Variants in FUT9 observed in about 807,000 individuals in gnomAD.
FUT9 encodes fucosyltransferase 9, also known as 4-galactosyl-N-acetylglucosaminide 3-alpha-L-fucosyltransferase 9.
A neutral mutation model predicts 29.7 loss-of-function variants in FUT9; 15 were observed. The observed-to-expected ratio is 0.51, with a 90% CI of 0.34 to 0.78. The LOEUF (loss-of-function observed/expected upper bound fraction) is 0.78, where lower values mean the gene tolerates loss of function less well. Ranked by LOEUF, FUT9 falls within the 30% of genes least tolerant of loss-of-function variation. The pLI is 0.01. For missense variants in FUT9, 319 were observed against 425.4 expected (o/e 0.75, Z 2.20); for synonymous variants, 169 against 153.7 (o/e 1.10, Z -0.74).
At chr6:96,176,103 C>T (rs1773198132) in intron 2 of FUT9, among the ~76,000 whole-genome samples, 1 of 152,188 alleles carries the variant, frequency 6.6e-6, no homozygotes, top group South Asian at 2.1e-4. Flanking sequence ...AGGGCTTGCG[C>T]CCCTTCCCTC....
At chr6:96,017,707 G>A (rs1264502008) in intron 1 of FUT9, among the ~76,000 whole-genome samples, 1 of 152,112 alleles carries the variant, frequency 6.6e-6, no homozygotes, top group Admixed American at 6.5e-5. Flanking sequence ...ACTTTAAAAG[G>A]TGCCCCACTG....
chr6:96,130,695 T>G (rs1772226325), intron 2 of FUT9, among the ~76,000 whole-genome samples: 1 of 152,218 alleles, frequency 6.6e-6, no homozygotes. Context: ...ACAGTAAAAT[T>G]TGTTTTCTTT....
At chr6:96,123,143 C>T (rs1406342093) in intron 2 of FUT9, among the ~76,000 whole-genome samples, 2 of 143,798 alleles carry the variant, frequency 1.4e-5, no homozygotes, top group African/African-American at 5.3e-5. Context: ...CAAAAAAATG[C>T]ATAACAAAGA....
At chr6:96,170,851 A>G (rs1773101085) in intron 2 of FUT9, among the ~76,000 whole-genome samples, 1 of 152,196 alleles carries the variant, frequency 6.6e-6, no homozygotes, top group Non-Finnish European at 1.5e-5. Context: ...GTGATAAAAC[A>G]AACTGTCCCA....
At chr6:96,069,426 G>A (rs1166373733) in intron 1 of FUT9, among the ~76,000 whole-genome samples, 4 of 151,966 alleles carry the variant, frequency 2.6e-5, no homozygotes, top group Non-Finnish European at 4.4e-5. Flanking sequence ...ATTGCCAAAT[G>A]AGAAGATTGG....
chr6:96,105,740 A>G (rs1462170709), intron 1 of FUT9, among the ~76,000 whole-genome samples: 3 of 152,160 alleles, frequency 2.0e-5, no homozygotes, highest in African/African-American at 4.8e-5. Context: ...GTTGTTTTGA[A>G]CACTCTGGAG....
At chr6:96,076,563 A>C (rs72927926) in intron 1 of FUT9, among the ~76,000 whole-genome samples, 1 of 152,328 alleles carries the variant, frequency 6.6e-6, no homozygotes, top group Non-Finnish European at 1.5e-5. Context: ...GATTTCTTTC[A>C]TTTGAAAATG....
chr6:96,112,426 T>C (rs1771826890), intron 1 of FUT9, among the ~76,000 whole-genome samples: 1 of 152,232 alleles, frequency 6.6e-6, no homozygotes, highest in Admixed American at 6.5e-5. Context: ...ATCCATTTCT[T>C]CATACTTGTA....
Position 96,214,363 on chromosome 6 carries a change from C to T in FUT9, c.*10128C>T, listed in dbSNP as rs904278313. ...GTCACCTGAGGTCAGGTCTGCACAA[C>T]ACTAAATTGGGCAATAACATAGAAC... On this transcript the variant is annotated 3_prime_UTR_variant, in exon 3 of 3. Coordinates refer to ENST00000302103, the MANE Select transcript of FUT9 (RefSeq NM_006581.4). 3.6e-5 allele frequency: 6 copies of T among 167,072 alleles called. No homozygotes were observed. The highest frequency in any genetic ancestry group is 1.4e-4 in the African/African-American group (6 of 41,546). The allele number at this position is 167,072 out of a possible 1,614,324, so 10.3% of individuals were successfully genotyped here.
intron 1 of FUT9, among the ~76,000 whole-genome samples, chr6:96,034,886 G>T (rs1473725103): frequency 6.6e-6 from 1 of 151,684 alleles, no homozygotes; most frequent in Non-Finnish European, 1.5e-5. Flanking sequence ...GATCAGTTTT[G>T]GAACAATGGC....
chr6:96,069,511 A>C (rs1771018525), intron 1 of FUT9, among the ~76,000 whole-genome samples: 1 of 152,182 alleles, frequency 6.6e-6, no homozygotes, highest in Admixed American at 6.5e-5. Context: ...GAATACCTTT[A>C]GGAAATTTAA....
chr6:96,036,060 A>G (rs1327776958), intron 1 of FUT9, among the ~76,000 whole-genome samples: 1 of 138,570 alleles, frequency 7.2e-6, no homozygotes, highest in African/African-American at 2.6e-5. Context: ...TTATATTAAT[A>G]TAATATAATA....
At chr6:96,136,185 G>T (rs1772347045) in intron 2 of FUT9, among the ~76,000 whole-genome samples, 1 of 151,598 alleles carries the variant, frequency 6.6e-6, no homozygotes, top group Admixed American at 6.6e-5. Context: ...TCCATATATT[G>T]CATTAGATCA....
At chr6:96,068,837 C>G (rs189849086) in intron 1 of FUT9, among the ~76,000 whole-genome samples, 1 of 151,990 alleles carries the variant, frequency 6.6e-6, no homozygotes, top group Admixed American at 6.6e-5. Flanking sequence ...AGGAAAGAAG[C>G]TACCCATATA....
At chr6:96,112,652 T>C (rs1460788235) in intron 1 of FUT9, among the ~76,000 whole-genome samples, 1 of 152,122 alleles carries the variant, frequency 6.6e-6, no homozygotes, top group South Asian at 2.1e-4. Flanking sequence ...ATAACGTTGT[T>C]TGTGTGTGTG....
chr6:96,060,882 A>T (rs1225429582), intron 1 of FUT9, among the ~76,000 whole-genome samples: 1 of 152,184 alleles, frequency 6.6e-6, no homozygotes, highest in Non-Finnish European at 1.5e-5. Context: ...GGACATTTAC[A>T]GCATTTAAAG....
chr6:96,036,203 T>A (rs574727674), intron 1 of FUT9, among the ~76,000 whole-genome samples: 22 of 150,338 alleles, frequency 1.5e-4, no homozygotes, highest in African/African-American at 4.9e-4. Context: ...GAATCGAGAT[T>A]CTATATAAAT....
At chr6:96,034,791 A>G (rs977603062) in intron 1 of FUT9, among the ~76,000 whole-genome samples, 1 of 151,732 alleles carries the variant, frequency 6.6e-6, no homozygotes, top group Non-Finnish European at 1.5e-5. Flanking sequence ...GGTGCAAAGA[A>G]TGCTACCAAA....
chr6:96,055,215 A>G lies in FUT9; in HGVS notation c.-98+39003A>G, dbSNP rs1416280563. ...TTCTTATTTAATAATGAAAACATTT[A>G]ATGTTACACATTTGCCTTTGCATAT... On this transcript the variant is annotated intron_variant, in intron 1 of 2. Coordinates refer to ENST00000302103, the MANE Select transcript of FUT9 (RefSeq NM_006581.4). Among the ~76,000 whole-genome samples the G allele has an allele frequency of 4.6e-5, 7 of 152,290 alleles. No homozygotes were observed. In the East Asian group the frequency reaches 1.4e-3, roughly 29 times the overall value.
Sources: gnomAD v4.1 joint callset for allele counts (sites outside exome capture counted in the v4.1 genomes callset) on GRCh38, gnomAD v4.1.1 for gene constraint, MANE v1.5 for transcripts, NCBI Gene and HGNC (gene_info 2026-07-23, HGNC 2026-07-21) for gene names.